The following CSMD1 variants were observed in gnomAD, a reference collection of about 807,000 sequenced individuals.
CSMD1 encodes CUB and sushi domain-containing protein 1.
A neutral mutation model predicts 417.5 loss-of-function variants in CSMD1; 213 were observed. The observed-to-expected ratio is 0.51, with a 90% confidence interval of 0.46 to 0.57. CSMD1 has a LOEUF of 0.57. Ranked by LOEUF, CSMD1 falls within the 20% of genes least tolerant of loss-of-function variation. CSMD1 has a pLI of 0.00. For synonymous variants in CSMD1, 2,862 were observed against 1,736.8 expected, an observed-to-expected ratio of 1.65 and a Z score of -16.11; for missense variants, 6,923 against 4,529.7, an observed-to-expected ratio of 1.53 and a Z score of -15.17.
At chr8:4,322,456 C>T (rs903626029) in intron 3 of CSMD1, among the ~76,000 whole-genome samples, 2 of 152,084 alleles carry the variant, frequency 1.3e-5, no homozygotes, top group African/African-American at 2.4e-5. Context: ...GTAGGAAAAA[C>T]CCATAGCTCT....
chr8:2,961,241 G>A (rs751694891), intron 61 of CSMD1, 27 bp from the exon 62 acceptor site: 2 of 1,427,990 alleles, frequency 1.4e-6, no homozygotes, highest in Non-Finnish European at 2.0e-6. Flanking sequence ...AAAAAGAAAA[G>A]AGGGCACCAG....
chr8:4,341,315 A>C (rs1016719601), intron 3 of CSMD1, among the ~76,000 whole-genome samples: 2 of 152,162 alleles, frequency 1.3e-5, no homozygotes, highest in African/African-American at 4.8e-5. Flanking sequence ...GCAATCAATC[A>C]TATCACTAGG....
chr8:4,375,477 A>G (rs745714176), intron 3 of CSMD1, among the ~76,000 whole-genome samples: 4 of 152,128 alleles, frequency 2.6e-5, no homozygotes, highest in Non-Finnish European at 4.4e-5. Context: ...TTTACAGTCC[A>G]TCTTATGGAG....
chr8:4,938,782 G>C (rs1041232794), intron 1 of CSMD1, among the ~76,000 whole-genome samples: 2 of 152,308 alleles, frequency 1.3e-5, no homozygotes, highest in South Asian at 2.1e-4. Context: ...AAGAAGTGCA[G>C]GGGAATGCTT....
chr8:4,465,918 A>G (rs1167491248), intron 2 of CSMD1, among the ~76,000 whole-genome samples: 1 of 152,176 alleles, frequency 6.6e-6, no homozygotes, highest in Non-Finnish European at 1.5e-5. Context: ...CAGCCATAGA[A>G]GAAGGAAAAG....
chr8:3,991,467 G>C (rs1034986682), intron 5 of CSMD1, among the ~76,000 whole-genome samples: 1 of 152,084 alleles, frequency 6.6e-6, no homozygotes. Context: ...CCTCTTAGAA[G>C]CCTGATAATA....
chr8:4,724,553 TG>T (rs1326951940), intron 1 of CSMD1, among the ~76,000 whole-genome samples: 5 of 151,388 alleles, frequency 3.3e-5, no homozygotes, highest in African/African-American at 7.3e-5. Flanking sequence ...TGTGTGTGTG[TG>T]TGTGTGTGTT....
chr8:4,124,048 C>T (rs1466512470), intron 3 of CSMD1, among the ~76,000 whole-genome samples: 1 of 151,162 alleles, frequency 6.6e-6, no homozygotes, highest in South Asian at 2.1e-4. Flanking sequence ...CATTCCGGAA[C>T]GACATTCCCA....
intron 5 of CSMD1, among the ~76,000 whole-genome samples, chr8:3,864,285 G>A (rs1009539131): frequency 6.6e-6 from 1 of 152,104 alleles, no homozygotes; most frequent in African/African-American, 2.4e-5. Context: ...CAATAATTTG[G>A]CCAATATTTG....
chr8:4,004,169 T>C (rs1017371614), intron 4 of CSMD1, among the ~76,000 whole-genome samples: 5 of 152,108 alleles, frequency 3.3e-5, no homozygotes, highest in Admixed American at 3.3e-4. Context: ...CATTTTAATA[T>C]AATTGTGGTA....
chr8:4,217,238 T>C (rs936647396), intron 3 of CSMD1, among the ~76,000 whole-genome samples: 2 of 152,224 alleles, frequency 1.3e-5, no homozygotes, highest in Non-Finnish European at 2.9e-5. Context: ...TAAAAATGCT[T>C]CTATCTAGAT....
chr8:3,431,217 G>T (rs1232566205), intron 12 of CSMD1, among the ~76,000 whole-genome samples: 1 of 152,114 alleles, frequency 6.6e-6, no homozygotes, highest in African/African-American at 2.4e-5. Flanking sequence ...CTAAGACACA[G>T]GTCCATGCAA....
chr8:2,950,121 C>G, intron 67 of CSMD1, 110 bp downstream of exon 67: 1 of 686,312 alleles, frequency 1.5e-6, no homozygotes, highest in Non-Finnish European at 2.6e-6. Context: ...TTTCAAGGGG[C>G]AGACACAAGA....
chr8:4,693,538 A>G (rs534427578), intron 1 of CSMD1, among the ~76,000 whole-genome samples: 81 of 152,204 alleles, frequency 5.3e-4, no homozygotes, highest in African/African-American at 1.8e-3. Flanking sequence ...TTAATTTTAC[A>G]TTTTTTTATT....
intron 2 of CSMD1, among the ~76,000 whole-genome samples, chr8:4,618,724 G>A (rs1239775907): frequency 4.6e-5 from 7 of 152,058 alleles, no homozygotes; most frequent in Non-Finnish European, 1.0e-4. Context: ...TGGACCTTCT[G>A]GTTGTTTTCA....
intron 1 of CSMD1, among the ~76,000 whole-genome samples, chr8:4,975,074 C>T (rs534632651): frequency 1.3e-5 from 2 of 152,144 alleles, no homozygotes; most frequent in East Asian, 3.9e-4. Context: ...TCCCCAAAAT[C>T]TGCAATAAAC....
intron 1 of CSMD1, among the ~76,000 whole-genome samples, chr8:4,854,249 T>G (rs1312246121): frequency 6.6e-6 from 1 of 152,196 alleles, no homozygotes; most frequent in African/African-American, 2.4e-5. Context: ...TCTATAAGTC[T>G]TATGTTGAAA....
At chr8:4,765,403 A>G (rs1366748058) in intron 1 of CSMD1, among the ~76,000 whole-genome samples, 2 of 152,244 alleles carry the variant, frequency 1.3e-5, no homozygotes, top group Admixed American at 1.3e-4. Context: ...ATTGAGGATT[A>G]TAGTCTTTCA....
chr8:3,655,768 G>C (rs1361213502), intron 7 of CSMD1, among the ~76,000 whole-genome samples: 1 of 152,014 alleles, frequency 6.6e-6, no homozygotes, highest in East Asian at 1.9e-4. Flanking sequence ...TACGGCTGTA[G>C]GAGGCAGGAA....
Sources: allele counts gnomAD v4.1 joint callset (sites outside exome capture counted in the v4.1 genomes callset), GRCh38; gene constraint gnomAD v4.1.1; transcripts MANE v1.5; gene names NCBI Gene and HGNC (gene_info 2026-07-23, HGNC 2026-07-21).